RBFOX1: variants seen among roughly 807,000 people sequenced by gnomAD.
RBFOX1 encodes the protein RNA binding fox-1 homolog 1, also known as RNA binding protein fox-1 homolog 1.
A neutral mutation model predicts 57.7 loss-of-function variants in RBFOX1; 8 were observed. That is an observed-to-expected ratio of 0.14 (90% CI 0.08 to 0.25). The LOEUF is 0.25. Ranked by LOEUF, RBFOX1 falls within the 10% of genes least tolerant of loss-of-function variation. The pLI is 1.00. For missense variants in RBFOX1, 611 were observed against 548.5 expected (o/e 1.11, Z -1.14); for synonymous variants, 326 against 222.4 (o/e 1.47, Z -4.15).
rs550172121 is a variant in RBFOX1, at chr16:6,424,743, G to T, written c.-64+107686G>T. 2.6e-5 allele frequency among the ~76,000 whole-genome samples: 4 copies of T among 152,136 alleles called. No homozygotes were observed. The East Asian group carries it at 7.7e-4, about 29-fold the overall frequency. On this transcript the variant is annotated intron_variant, in intron 2 of 15. Coordinates refer to ENST00000550418, the MANE Select transcript of RBFOX1 (RefSeq NM_018723.4). ...CCTCAATGTTCAACTATAGGGATGT[G>T]GAAAGACATGTAATAATTCCTCTTC...
At chr16:7,386,010 C>G (rs914230157) in intron 4 of RBFOX1, among the ~76,000 whole-genome samples, 1 of 151,336 alleles carries the variant, frequency 6.6e-6, no homozygotes, top group African/African-American at 2.4e-5. Flanking sequence ...AGGCTGGTCT[C>G]GAACTCCTGA....
intron 2 of RBFOX1, among the ~76,000 whole-genome samples, chr16:5,485,337 C>T (rs372191749): frequency 0.021 from 926 of 44,282 alleles, 15 homozygotes; most frequent in African/African-American, 0.056. Flanking sequence ...CAGAGCCAGA[C>T]TCCGTGTCAA....
At chr16:5,566,568 TTA>T (rs144434717) in intron 2 of RBFOX1, among the ~76,000 whole-genome samples, 14 of 149,822 alleles carry the variant, frequency 9.3e-5, no homozygotes, top group South Asian at 2.1e-4. Flanking sequence ...AGGAAAGTAG[TTA>T]TATATATATA....
At chr16:7,486,078 A>C (rs1005268585) in intron 4 of RBFOX1, among the ~76,000 whole-genome samples, 11 of 149,324 alleles carry the variant, frequency 7.4e-5, no homozygotes, top group African/African-American at 2.2e-4. Flanking sequence ...TGTGTTTGCA[A>C]CTTCACTGTG....
intron 2 of RBFOX1, among the ~76,000 whole-genome samples, chr16:5,484,474 T>G (rs778301303): frequency 5.3e-5 from 8 of 152,232 alleles, no homozygotes; most frequent in Non-Finnish European, 1.2e-4. Flanking sequence ...CTCTGCTTTA[T>G]TCATTTAATT....
At chr16:7,275,863 C>T (rs2095430268) in intron 4 of RBFOX1, among the ~76,000 whole-genome samples, 1 of 152,182 alleles carries the variant, frequency 6.6e-6, no homozygotes, top group South Asian at 2.1e-4. Context: ...CCAACCTGTG[C>T]AGAAGGATCT....
chr16:7,601,533 AACAG>A (rs1336129576), intron 9 of RBFOX1, among the ~76,000 whole-genome samples: 24 of 152,328 alleles, frequency 1.6e-4, no homozygotes, highest in East Asian at 7.7e-4. Flanking sequence ...AAAATCAGCA[AACAG>A]ACAGTCTTTG....
At chr16:5,417,795 A>C (rs1345297997) in intron 1 of RBFOX1, among the ~76,000 whole-genome samples, 1 of 152,130 alleles carries the variant, frequency 6.6e-6, no homozygotes, top group Non-Finnish European at 1.5e-5. Context: ...AAGATTTGTG[A>C]AATGGCCGGG....
chr16:6,495,354 G>T (rs1177441036), intron 2 of RBFOX1, among the ~76,000 whole-genome samples: 1 of 151,994 alleles, frequency 6.6e-6, no homozygotes, highest in Admixed American at 6.6e-5. Context: ...CCTGACCTCA[G>T]GTGATCCACC....
chr16:5,415,516 A>G (rs576089472), intron 1 of RBFOX1, among the ~76,000 whole-genome samples: 1 of 152,140 alleles, frequency 6.6e-6, no homozygotes, highest in Non-Finnish European at 1.5e-5. Context: ...CAGGGATCCA[A>G]CTCCAGGACC....
At chr16:5,399,734 A>C (rs63617161) in intron 1 of RBFOX1, among the ~76,000 whole-genome samples, 2 of 136,466 alleles carry the variant, frequency 1.5e-5, no homozygotes, top group East Asian at 4.2e-4. Context: ...ACCCTGTCTT[A>C]AAAAAAAAAA....
At chr16:7,543,752 G>T (rs1370189921) in intron 5 of RBFOX1, among the ~76,000 whole-genome samples, 1 of 150,534 alleles carries the variant, frequency 6.6e-6, no homozygotes, top group African/African-American at 2.4e-5. Flanking sequence ...TTTTCAAATG[G>T]ACTCTGTTGT....
intron 2 of RBFOX1, among the ~76,000 whole-genome samples, chr16:5,501,815 G>A (rs2043207418): frequency 6.6e-6 from 1 of 152,134 alleles, no homozygotes; most frequent in African/African-American, 2.4e-5. Context: ...CTGGGCTCAA[G>A]TGATTCTCCT....
intron 2 of RBFOX1, among the ~76,000 whole-genome samples, chr16:5,583,121 C>T (rs768308828): frequency 5.3e-5 from 8 of 152,220 alleles, no homozygotes; most frequent in Non-Finnish European, 1.2e-4. Context: ...CTTGCACGTT[C>T]TTGCAGAGCT....
At position 7,452,012 on chromosome 16, in the gene RBFOX1, A is replaced by G. The variant is rs146073717; in HGVS notation, c.28-66135A>G. ...AAAGAGACTAGTACGACCAAAGAGA[A>G]AGATTCTTATTCCATGACCAAAGCA... On this transcript the variant is annotated intron_variant, in intron 4 of 15. Transcript: ENST00000550418. 6.2e-4 allele frequency among the ~76,000 whole-genome samples: 95 copies of G among 152,358 alleles called. 1 individual carries two copies. The highest frequency in any genetic ancestry group is 2.2e-3 in the African/African-American group (91 of 41,590).
chr16:6,019,258 C>CA lies in RBFOX1; in HGVS notation c.-860dup. On this transcript the variant is annotated 5_prime_UTR_variant, in exon 1 of 16. Transcript: ENST00000550418. The surrounding 1 kb of genome is among the most constrained non-coding windows in gnomAD (Gnocchi z 4.2). ...GCACACACCGCTCCCTCGATCACCC[C>CA]AGCCCCCTTCCTGGTCTCCCGAGCG... 1.0e-6 allele frequency: 1 copy of CA among 985,454 alleles called. No homozygotes were observed. Among genetic ancestry groups the CA allele is most frequent in the African/African-American group, 1.7e-5 (1 of 57,322 alleles). The allele number at this position is 985,454 out of a possible 1,614,324, so 61.0% of individuals were successfully genotyped here. A position where few individuals can be genotyped will look rare whatever the true frequency, so the allele number is the denominator to read the frequency against.
intron 4 of RBFOX1, among the ~76,000 whole-genome samples, chr16:7,202,005 C>A (rs936079617): frequency 3.3e-5 from 5 of 152,128 alleles, no homozygotes; most frequent in Non-Finnish European, 7.3e-5. Flanking sequence ...GGAGGATATG[C>A]ATAAATGTAG....
chr16:5,763,113 G>A (rs914500267), intron 3 of RBFOX1, among the ~76,000 whole-genome samples: 1 of 152,196 alleles, frequency 6.6e-6, no homozygotes, highest in African/African-American at 2.4e-5. Flanking sequence ...AGACAAGAAA[G>A]TAGAACATAA....
intron 3 of RBFOX1, among the ~76,000 whole-genome samples, chr16:5,856,151 T>TTCTCTC (rs35841072): frequency 2.3e-3 from 92 of 40,406 alleles, no homozygotes; most frequent in East Asian, 5.2e-3. Context: ...GTCTTTATGG[T>TTCTCTC]TCTCTCTCTC....
Sources: allele counts gnomAD v4.1 joint callset (sites outside exome capture counted in the v4.1 genomes callset), GRCh38; gene constraint gnomAD v4.1.1; non-coding constraint Gnocchi (gnomAD v3.1); transcripts MANE v1.5; gene names NCBI Gene and HGNC (gene_info 2026-07-23, HGNC 2026-07-21).